The following MTF1 variants were observed in gnomAD, a reference collection of about 807,000 sequenced individuals.
The protein encoded by MTF1 is metal regulatory transcription factor 1.
MTF1 carries 22 observed loss-of-function variants against 70.4 expected under a neutral mutation model. That is an observed-to-expected ratio of 0.31 (90% CI 0.22 to 0.45). The LOEUF is 0.45. Ranked by LOEUF, MTF1 falls within the 20% of genes least tolerant of loss-of-function variation. The pLI is 1.00. For synonymous variants in MTF1, 333 were observed against 352.8 expected (o/e 0.94, Z 0.63); for missense variants, 649 against 922.0 (o/e 0.70, Z 3.83).
chr1:37,840,525 C>A lies in MTF1; in HGVS notation c.409-367G>T, dbSNP rs1641239884. 4 of 463,106 alleles carry A rather than the reference C, an allele frequency of 8.6e-6. No homozygotes were observed. In the Admixed American group the frequency reaches 9.4e-5, roughly 11 times the overall value. The allele number at this position is 463,106 out of a possible 1,614,324, so 28.7% of individuals were successfully genotyped here. A position where few individuals can be genotyped will look rare whatever the true frequency, so the allele number is the denominator to read the frequency against. The stretch of plus-strand genomic sequence containing the variant: ...AAGGCTTGACTAAACACCCTGACCT[C>A]CAGAACTACAACTTGATTGGAATTA... On this transcript the variant is annotated intron_variant, in intron 2 of 10. Coordinates refer to ENST00000373036, the MANE Select transcript of MTF1 (RefSeq NM_005955.3). The surrounding 1 kb of genome is among the most constrained non-coding windows in gnomAD (Gnocchi z 4.5).
rs1016310029 is a variant in MTF1, at chr1:37,822,469, G to C, written c.1419C>G (p.Pro473=). 1.9e-6 allele frequency: 3 copies of C among 1,613,986 alleles called. No homozygotes were observed. The African/African-American group carries it at 4.0e-5, about 22-fold the overall frequency. Residue 473 remains proline, a synonymous_variant, in exon 9 of 11, where the codon CCC becomes CCG. Coordinates refer to ENST00000373036, the MANE Select transcript of MTF1 (RefSeq NM_005955.3). ...ALLQPPEVPV[P]HSTQFAANHQ... The stretch of plus-strand genomic sequence containing the variant: ...GATTAGCAGCAAACTGTGTGCTGTG[G>C]GGAACAGGCACTTCTGGAGGTTGTA...
At chr1:37,822,838 T>C in intron 8 of MTF1, 122 bp from the exon 9 acceptor site, 1 of 654,994 alleles carries the variant, frequency 1.5e-6, no homozygotes, top group East Asian at 2.7e-5. Flanking sequence ...TCTTCATAGC[T>C]AGCAGGCCAG....
intron 2 of MTF1, among the ~76,000 whole-genome samples, chr1:37,848,346 A>T (rs1452983029): frequency 6.6e-6 from 1 of 152,246 alleles, no homozygotes; most frequent in Non-Finnish European, 1.5e-5. Context: ...TTTCTATTTC[A>T]ATTTTATAAA....
At chr1:37,823,364 G>A (rs1258058371) in intron 8 of MTF1, among the ~76,000 whole-genome samples, 1 of 151,970 alleles carries the variant, frequency 6.6e-6, no homozygotes, top group African/African-American at 2.4e-5. Context: ...GATCACTCAA[G>A]CCTGGAGGTG....
chr1:37,823,431 G>GA (rs1640949299), intron 8 of MTF1, among the ~76,000 whole-genome samples: 1 of 116,348 alleles, frequency 8.6e-6, no homozygotes, highest in Non-Finnish European at 1.8e-5. Flanking sequence ...GACAAAATGA[G>GA]ACGCTGTCTC....
At chr1:37,851,336 T>C (rs1641416014) in intron 2 of MTF1, among the ~76,000 whole-genome samples, 1 of 152,250 alleles carries the variant, frequency 6.6e-6, no homozygotes, top group Non-Finnish European at 1.5e-5. Context: ...CATAATATCC[T>C]TGACCCTGTG....
chr1:37,840,946 C>A lies in MTF1; in HGVS notation c.409-788G>T. The A allele has an allele frequency of 4.5e-6, 1 of 223,136 alleles. No homozygotes were observed. Among genetic ancestry groups the A allele is most frequent in the Non-Finnish European group, 8.9e-6 (1 of 111,748 alleles). 13.8% of individuals were successfully genotyped at this position (223,136 alleles called of 1,614,324 possible). A position where few individuals can be genotyped will look rare whatever the true frequency, so the allele number is the denominator to read the frequency against. On this transcript the variant is annotated intron_variant, in intron 2 of 10. Coordinates refer to ENST00000373036, the MANE Select transcript of MTF1 (RefSeq NM_005955.3). This position sits in a 1 kb window ranked among gnomAD's most constrained non-coding sequence, Gnocchi z 4.5. The stretch of plus-strand genomic sequence containing the variant: ...GGTTGGCCTGGAGCCAGGGCTGAGG[C>A]CATGGAGCTCTCAGAGGCAAGGCTG...
In MTF1 at chr1:37,810,914, C is replaced by T. The variant is rs1029449506; in HGVS notation, c.*4222G>A. ...TATGGGGAGCAGTATGGAAATGGCT[C>T]ATGTTGCCCCCTGCCACCCATGCCT... On this transcript the variant is annotated 3_prime_UTR_variant, in exon 11 of 11. Transcript: ENST00000373036. 3.9e-5 allele frequency: 6 copies of T among 152,420 alleles called. No individual in the cohort carries two copies. Among genetic ancestry groups the T allele is most frequent in the Non-Finnish European group, 8.8e-5 (6 of 68,038 alleles). 9.4% of individuals were successfully genotyped at this position (152,420 alleles called of 1,614,324 possible).
rs1641202084 is a variant in MTF1, at chr1:37,838,364, G to A, written c.779+261C>T. ...TAATAAAAGTACCCACCACATAACT[G>A]AGTTTCAACAAATGCTTCTTGGAAA... On this transcript the variant is annotated intron_variant, in intron 4 of 10. Coordinates refer to ENST00000373036, the MANE Select transcript of MTF1 (RefSeq NM_005955.3). 2.0e-5 allele frequency among the ~76,000 whole-genome samples: 3 copies of A among 152,132 alleles called. No individual in the cohort carries two copies. In the South Asian group the frequency reaches 6.2e-4, roughly 32 times the overall value.
chr1:37,839,894 G>A, intron 3 of MTF1, 26 bp downstream of exon 3: 1 of 1,572,416 alleles, frequency 6.4e-7, no homozygotes, highest in Middle Eastern at 1.8e-4. Context: ...GTCAGAGGCT[G>A]GCAGAGCATT....
rs368007699 is a variant in MTF1 at position 37,835,046 on chromosome 1, G to C, written c.990+33C>G. 129 of 1,609,278 alleles carry C rather than the reference G, an allele frequency of 8.0e-5. No individual in the cohort carries two copies. In the African/African-American group the frequency reaches 1.4e-3, roughly 17 times the overall value. Reference sequence around the variant, plus strand: ...CACAAACAACTGTTGAAGTTCTATGGTACCCAGATCAAGAGACAAAAACAC... The same window carrying C: ...CACAAACAACTGTTGAAGTTCTATGCTACCCAGATCAAGAGACAAAAACAC... On this transcript the variant is annotated intron_variant, in intron 6 of 10. Coordinates refer to ENST00000373036, the MANE Select transcript of MTF1 (RefSeq NM_005955.3).
rs1640792758 is a variant in MTF1 at position 37,814,996 on chromosome 1, TAAAG to T, written c.*136_*139del. The T allele has an allele frequency of 1.4e-6, 1 of 720,340 alleles. No individual in the cohort carries two copies. Among genetic ancestry groups the T allele is most frequent in the South Asian group, 1.9e-5 (1 of 51,662 alleles). The allele number at this position is 720,340 out of a possible 1,614,324, so 44.6% of individuals were successfully genotyped here. ...AAAATGGATGCTCCTGGGATGTGAA[TAAAG>T]AAAATACGTCTGAAAGGTGAGGATT... On this transcript the variant is annotated 3_prime_UTR_variant, in exon 11 of 11. Coordinates refer to ENST00000373036, the MANE Select transcript of MTF1 (RefSeq NM_005955.3).
At chr1:37,858,337 AC>A (rs1641533909) in intron 1 of MTF1, among the ~76,000 whole-genome samples, 1 of 152,214 alleles carries the variant, frequency 6.6e-6, no homozygotes, top group Non-Finnish European at 1.5e-5. Context: ...TACATGGGTA[AC>A]TTTTCTGTGC....
intron 4 of MTF1, among the ~76,000 whole-genome samples, chr1:37,837,649 G>A (rs1225860058): frequency 6.6e-6 from 1 of 152,076 alleles, no homozygotes; most frequent in Non-Finnish European, 1.5e-5. Context: ...GGGACTATAG[G>A]CATGTGACAC....
chr1:37,826,776 C>T lies in MTF1; in HGVS notation c.1069-2964G>A, dbSNP rs184074229. On this transcript the variant is annotated intron_variant, in intron 7 of 10. Transcript: ENST00000373036. Reference sequence around the variant, plus strand: ...GGCAGATCGCTTGAGGTCAAGAGTTCGAAACCAGCCTGGCCAACACAGTGA... The same window carrying T: ...GGCAGATCGCTTGAGGTCAAGAGTTTGAAACCAGCCTGGCCAACACAGTGA... Among the ~76,000 whole-genome samples, 591 of 152,166 alleles carry T rather than the reference C, an allele frequency of 3.9e-3. 1 individual carries two copies. The highest frequency in any genetic ancestry group is 8.3e-3 in the Admixed American group (127 of 15,276).
chr1:37,833,766 G>A (rs902185900), intron 6 of MTF1, among the ~76,000 whole-genome samples: 15 of 151,984 alleles, frequency 9.9e-5, no homozygotes, highest in Non-Finnish European at 5.9e-5. Flanking sequence ...GCCCTTTTAG[G>A]TAAGTGGCAT....
chr1:37,850,467 A>G (rs932428034), intron 2 of MTF1, among the ~76,000 whole-genome samples: 1 of 151,544 alleles, frequency 6.6e-6, no homozygotes, highest in Non-Finnish European at 1.5e-5. Flanking sequence ...ACCCTGTTTC[A>G]AGAGAGAAAG....
intron 7 of MTF1, among the ~76,000 whole-genome samples, chr1:37,829,233 T>C (rs527250671): frequency 6.6e-5 from 10 of 152,158 alleles, no homozygotes; most frequent in African/African-American, 2.2e-4. Flanking sequence ...GCCTCCCAGA[T>C]AGCTGGGACA....
chr1:37,817,987 C>CA (rs1470350353), intron 9 of MTF1, among the ~76,000 whole-genome samples: 2 of 152,232 alleles, frequency 1.3e-5, no homozygotes, highest in Admixed American at 6.5e-5. Flanking sequence ...CAGCATAGTT[C>CA]AAGGGTGGGC....
Sources: gnomAD v4.1 joint callset for allele counts (sites outside exome capture counted in the v4.1 genomes callset) on GRCh38, gnomAD v4.1.1 for gene constraint, Gnocchi (gnomAD v3.1) non-coding constraint, MANE v1.5 for transcripts, NCBI Gene and HGNC (gene_info 2026-07-23, HGNC 2026-07-21) for gene names.